Variants in CFAP73 observed in about 807,000 individuals in gnomAD.
CFAP73 encodes the protein cilia and flagella associated protein 73, also known as cilia- and flagella-associated protein 73.
A neutral mutation model predicts 42.9 loss-of-function variants in CFAP73; 33 were observed. That is an observed-to-expected ratio of 0.77 (90% CI 0.58 to 1.03). CFAP73 has a LOEUF of 1.03. Among genes scored for constraint, CFAP73 ranks in the 50% least tolerant of loss-of-function variants. CFAP73 has a pLI of 0.00. For missense variants in CFAP73, 392 were observed against 411.9 expected (o/e 0.95, Z 0.42); for synonymous variants, 162 against 186.8 (o/e 0.87, Z 1.08).
rs143086274 is a variant in CFAP73 at position 113,157,230 on chromosome 12, TAAAAC to T, written c.850-367_850-363del. 350 of 217,180 alleles carry T rather than the reference TAAAAC, an allele frequency of 1.6e-3. 2 individuals are homozygous for T. The highest frequency in any genetic ancestry group is 7.4e-3 in the African/African-American group (332 of 44,604). 13.5% of individuals were successfully genotyped at this position (217,180 alleles called of 1,614,324 possible). On this transcript the variant is annotated intron_variant, in intron 6 of 7. Transcript: ENST00000335621. The stretch of plus-strand genomic sequence containing the variant: ...AGTTCATATTCATAAAGAAGTTAAT[TAAAAC>T]AAAAGGAGAGCCACCCACGGAGATA...
chr12:113,152,963 CA>C (rs1952078824), intron 3 of CFAP73, 76 bp downstream of exon 3: 2 of 1,019,526 alleles, frequency 2.0e-6, no homozygotes, highest in South Asian at 1.5e-5. Context: ...CGGCAGGTAA[CA>C]AAAATAAAAG....
intron 6 of CFAP73, among the ~76,000 whole-genome samples, chr12:113,156,167 G>A (rs1247813932): frequency 2.6e-5 from 4 of 152,094 alleles, no homozygotes; most frequent in Non-Finnish European, 5.9e-5. Flanking sequence ...TTATCCTCCC[G>A]CCTCAGCCTC....
chr12:113,157,661 T>C lies in CFAP73; in HGVS notation c.909T>C (p.Pro303=). ...TGGCCGGCCTGGGTCAGGCTGAGCC[T>C]GCAGCCCCTGCCTCCTAGCCCTGAC... ...AMLAGLGQAE[P]AAPAS The change falls in exon 7 of 8, where the codon CCT becomes CCC. Residue 303 remains proline (P), a synonymous_variant. Coordinates refer to ENST00000335621, the MANE Select transcript of CFAP73 (RefSeq NM_001144872.3). The C allele has an allele frequency of 1.3e-6, 2 of 1,551,574 alleles. No individual in the cohort carries two copies. The highest frequency in any genetic ancestry group is 1.7e-6 in the Non-Finnish European group (2 of 1,146,966).
At position 113,154,970 on chromosome 12, in the gene CFAP73, G is replaced by T. The variant is rs1232516614; in HGVS notation, c.691-290G>T. Among the ~76,000 whole-genome samples, 2 of 152,212 alleles carry T rather than the reference G, an allele frequency of 1.3e-5. No individual in the cohort carries two copies. The highest frequency in any genetic ancestry group is 4.8e-5 in the African/African-American group (2 of 41,466). On this transcript the variant is annotated intron_variant, in intron 5 of 7. Transcript: ENST00000335621. This position sits in a 1 kb window ranked among gnomAD's most constrained non-coding sequence, Gnocchi z 4.7. ...GGATCACCTCAGGTCATGAGTTCGA[G>T]ACCAGCCTGGCCAACATGGTGAAAC...
chr12:113,158,923 CCGAAGGCGCCCTGCTGCAGCTCCTGGACG>C lies in CFAP73; in HGVS notation c.*237_*265del, dbSNP rs1381489086. 1 of 1,609,070 alleles carries C rather than the reference CCGAAGGCGCCCTGCTGCAGCTCCTGGACG, an allele frequency of 6.2e-7. No homozygotes were observed. The highest frequency in any genetic ancestry group is 1.7e-5 in the Admixed American group (1 of 59,840). On this transcript the variant is annotated 3_prime_UTR_variant, in exon 8 of 8. Coordinates refer to ENST00000335621, the MANE Select transcript of CFAP73 (RefSeq NM_001144872.3). This position sits in a 1 kb window ranked among gnomAD's most constrained non-coding sequence, Gnocchi z 4.9. ...GCCCTTCTTGGAGCGGGCACCCCGG[CCGAAGGCGCCCTGCTGCAGCTCCTGGACG>C]CGGCGGCGGTTGCGGGCAGAGAGCT...
intron 7 of CFAP73, chr12:113,157,960 G>T: frequency 2.1e-6 from 1 of 479,208 alleles, no homozygotes; most frequent in Non-Finnish European, 3.8e-6. Flanking sequence ...GGCCCTCCCT[G>T]CCAGGGTGGT....
intron 7 of CFAP73, 43 bp downstream of exon 7, chr12:113,157,733 G>A: frequency 5.7e-6 from 8 of 1,405,190 alleles, no homozygotes; most frequent in Non-Finnish European, 7.9e-6. Context: ...CCTGAGATAG[G>A]AGGGCCCACA....
chr12:113,157,187 GATC>G (rs1217251783), intron 6 of CFAP73: 1 of 166,740 alleles, frequency 6.0e-6, no homozygotes, highest in African/African-American at 2.4e-5. Context: ...TTTTACAATG[GATC>G]CATGGTATTT....
intron 6 of CFAP73, among the ~76,000 whole-genome samples, chr12:113,156,367 G>A (rs1040253365): frequency 2.0e-5 from 3 of 151,824 alleles, no homozygotes; most frequent in Non-Finnish European, 2.9e-5. Context: ...CTCAGACACC[G>A]GATTAAAGAA....
chr12:113,155,125 AGG>A (rs1221606665), intron 5 of CFAP73, 133 bp from the exon 6 acceptor site: 2 of 703,398 alleles, frequency 2.8e-6, no homozygotes. Context: ...AGCTGAGATC[AGG>A]CCACTGCACT....
At chr12:113,155,188 A>T in intron 5 of CFAP73, 72 bp from the exon 6 acceptor site, 1 of 1,309,562 alleles carries the variant, frequency 7.6e-7, no homozygotes, top group Non-Finnish European at 1.0e-6. Context: ...AAAAAAAAAA[A>T]GTGGCTGGGA....
rs1346612935 is a variant in CFAP73 at position 113,159,036 on chromosome 12, G to A, written c.*347G>A. On this transcript the variant is annotated 3_prime_UTR_variant, in exon 8 of 8. Coordinates refer to ENST00000335621, the MANE Select transcript of CFAP73 (RefSeq NM_001144872.3). ...TCTGGGCCCGGCGCCGCTGCTTCAG[G>A]ATCTGCTGCTTGGTCTTGAGTTCCG... The A allele has an allele frequency of 3.1e-6, 5 of 1,611,606 alleles. No individual in the cohort carries two copies. The South Asian group carries it at 4.4e-5, about 14-fold the overall frequency.
intron 2 of CFAP73, 21 bp downstream of exon 2, chr12:113,152,044 C>T (rs773451745): frequency 3.8e-5 from 58 of 1,516,326 alleles, no homozygotes; most frequent in Admixed American, 1.8e-4. Flanking sequence ...ACTACTGTAA[C>T]GAGGTGGTGA....
At position 113,152,886 on chromosome 12, in the gene CFAP73, A is replaced by C. The variant is rs1484113276; in HGVS notation, c.266A>C (p.Gln89Pro). Reference protein sequence around the residue: ...GSFIRFDKFLQDSEARRNRAL... With the variant: ...GSFIRFDKFLPDSEARRNRAL... ...TTCATCCGCTTTGACAAGTTTTTGCAGGTAGGTGGAGCCTCCTGGGGGGGA... is the reference window on the plus strand; with the variant it reads ...TTCATCCGCTTTGACAAGTTTTTGCCGGTAGGTGGAGCCTCCTGGGGGGGA... Residue 89 changes from glutamine (Q) to proline (P), a missense_variant and splice_region_variant, in exon 3 of 8, where the codon CAG becomes CCG. Gln to Pro is a moderately conservative substitution (Grantham distance 76). Transcript: ENST00000335621. 6 of 1,548,962 alleles carry C rather than the reference A, an allele frequency of 3.9e-6. No individual in the cohort carries two copies.
chr12:113,151,894 C>T (rs778964396), intron 1 of CFAP73, 24 bp from the exon 2 acceptor site: 7 of 1,513,244 alleles, frequency 4.6e-6, no homozygotes, highest in South Asian at 2.4e-5. Flanking sequence ...CCTTCACCCC[C>T]ACCTCCTACT....
chr12:113,154,645 G>T lies in CFAP73; in HGVS notation c.690+10G>T. 1 of 1,388,532 alleles carries T rather than the reference G, an allele frequency of 7.2e-7. No homozygotes were observed. Among genetic ancestry groups the T allele is most frequent in the South Asian group, 1.7e-5 (1 of 60,472 alleles). The allele number at this position is 1,388,532 out of a possible 1,614,324, so 86.0% of individuals were successfully genotyped here. ...GCGTACGCTGCAGTGGGTACGACCCGCCCTAGGTGGGGGGCGCTCCGGACC... is the reference window on the plus strand; with the variant it reads ...GCGTACGCTGCAGTGGGTACGACCCTCCCTAGGTGGGGGGCGCTCCGGACC... On this transcript the variant is annotated intron_variant, in intron 5 of 7. Coordinates refer to ENST00000335621, the MANE Select transcript of CFAP73 (RefSeq NM_001144872.3). This position sits in a 1 kb window ranked among gnomAD's most constrained non-coding sequence, Gnocchi z 4.7.
intron 1 of CFAP73, among the ~76,000 whole-genome samples, chr12:113,151,643 T>C (rs999915896): frequency 6.6e-6 from 1 of 151,476 alleles, no homozygotes; most frequent in African/African-American, 2.4e-5. Context: ...AATAAAAAAA[T>C]AAAAATTAGC....
Position 113,149,927 on chromosome 12 carries a change from AG to A in CFAP73, c.56+15del. ...GAAACTGTCTACGTGAGTGGGACGTAGAGGGAGGGAGGGCTAGAAGGAGGGC... is the reference window on the plus strand; with the variant it reads ...GAAACTGTCTACGTGAGTGGGACGTAAGGGAGGGAGGGCTAGAAGGAGGGC... On this transcript the variant is annotated intron_variant, in intron 1 of 7. Coordinates refer to ENST00000335621, the MANE Select transcript of CFAP73 (RefSeq NM_001144872.3). The A allele has an allele frequency of 6.5e-7, 1 of 1,547,622 alleles. No homozygotes were observed. Among genetic ancestry groups the A allele is most frequent in the Non-Finnish European group, 8.7e-7 (1 of 1,143,710 alleles).
Position 113,154,412 on chromosome 12 carries a change from A to C in CFAP73, c.469-2A>C. On this transcript the variant is annotated splice_acceptor_variant, in intron 4 of 7. Transcript: ENST00000335621. LOFTEE classifies it high-confidence loss of function. The surrounding 1 kb of genome is among the most constrained non-coding windows in gnomAD (Gnocchi z 4.7). ...GAGTCCCTTCCCCGCCCCCGACTCT[A>C]GTTCCAAGAGGTTCCGGAGCTGGTG... 6.5e-7 allele frequency: 1 copy of C among 1,548,264 alleles called. No homozygotes were observed. The highest frequency in any genetic ancestry group is 8.7e-7 in the Non-Finnish European group (1 of 1,146,030).
Sources: allele counts gnomAD v4.1 joint callset (sites outside exome capture counted in the v4.1 genomes callset), GRCh38; gene constraint gnomAD v4.1.1; non-coding constraint Gnocchi (gnomAD v3.1); transcripts MANE v1.5; gene names NCBI Gene and HGNC (gene_info 2026-07-23, HGNC 2026-07-21).